Variants in MATN2 observed in about 807,000 individuals in gnomAD.
MATN2 encodes matrilin 2.
In MATN2, 69 loss-of-function variants were observed where a neutral mutation model predicts 103.2. The ratio of observed to expected loss-of-function variants is 0.67; its 90% confidence interval spans 0.55 to 0.82. The LOEUF is 0.82. MATN2 is among the 40% of genes least tolerant of loss of function. The probability of loss-of-function intolerance (pLI) is 0.00; values close to 1 mark genes in which losing one functional copy is unlikely to be tolerated. For missense variants in MATN2, 1,023 were observed against 1,211.5 expected (o/e 0.84, Z 2.31); for synonymous variants, 429 against 450.2 (o/e 0.95, Z 0.60).
chr8:97,986,749 G>A (rs1438724028), intron 6 of MATN2, among the ~76,000 whole-genome samples: 1 of 152,220 alleles, frequency 6.6e-6, no homozygotes, highest in African/African-American at 2.4e-5. Flanking sequence ...ACATGCGTGT[G>A]CAAGTATCTT....
intron 2 of MATN2, among the ~76,000 whole-genome samples, chr8:97,909,405 G>T (rs1209966742): frequency 6.6e-6 from 1 of 152,174 alleles, no homozygotes; most frequent in Non-Finnish European, 1.5e-5. Context: ...AGCATACCAT[G>T]GGGCCAAGGA....
rs1563633689 is a variant in MATN2, at chr8:97,869,084, C to CGAGCG, written c.-229_-225dup. On this transcript the variant is annotated 5_prime_UTR_variant, in exon 1 of 19. Transcript: ENST00000254898. ...TGCCCAGCGCCTCCCAGGCAGCCAG[C>CGAGCG]GAGCGAAGGGAGCGCTCTGGGATGG... The CGAGCG allele has an allele frequency of 6.6e-6, 1 of 152,474 alleles. No individual in the cohort carries two copies. Among genetic ancestry groups the CGAGCG allele is most frequent in the East Asian group, 1.9e-4 (1 of 5,182 alleles). The allele number at this position is 152,474 out of a possible 1,614,324, so 9.4% of individuals were successfully genotyped here.
intron 3 of MATN2, among the ~76,000 whole-genome samples, chr8:97,939,916 G>C (rs560587402): frequency 1.3e-5 from 2 of 152,134 alleles, no homozygotes; most frequent in Non-Finnish European, 2.9e-5. Context: ...TGTGATTAAC[G>C]TTGAGTGAAA....
chr8:97,941,846 T>A lies in MATN2; in HGVS notation c.782T>A (p.Val261Asp), dbSNP rs747396855. 1.2e-6 allele frequency: 2 copies of A among 1,613,578 alleles called. No individual in the cohort carries two copies. The highest frequency in any genetic ancestry group is 1.1e-5 in the South Asian group (1 of 91,002). Residue 261 changes from valine (V) to aspartate (D), a missense_variant, in exon 4 of 19, where the codon GTC becomes GAC. Physicochemically the swap from Val to Asp is radical, Grantham distance 152 (BLOSUM62 -3). Transcript: ENST00000254898. ...HFCINIPGSYVCRCKQGYILN... is the reference protein window; with the variant it reads ...HFCINIPGSYDCRCKQGYILN... ...TGCATCAACATCCCTGGCTCATACG[T>A]CTGCAGGTGCAAACAAGGCTACATT...
At chr8:97,981,045 G>T (rs116399787) in intron 6 of MATN2, among the ~76,000 whole-genome samples, 2,634 of 151,734 alleles carry the variant, frequency 0.017, 79 homozygotes, top group African/African-American at 0.061. Flanking sequence ...AGCCAGGTAT[G>T]GTGACAAGTG....
chr8:97,936,055 A>C (rs987347913), intron 3 of MATN2, among the ~76,000 whole-genome samples: 1 of 152,176 alleles, frequency 6.6e-6, no homozygotes, highest in Admixed American at 6.5e-5. Flanking sequence ...AGCCACAGCA[A>C]GGGGAATCCT....
Position 98,007,518 on chromosome 8 carries a change from A to G in MATN2, c.1490A>G (p.Tyr497Cys), listed in dbSNP as rs757343739. Residue 497 changes from tyrosine (Y) to cysteine (C), a missense_variant, in exon 10 of 19, where the codon TAC becomes TGC. Transcript: ENST00000254898. The surrounding 1 kb of genome is among the most constrained non-coding windows in gnomAD (Gnocchi z 4.2). ...CTGCTGAGTGACCATGGTTGTGAATACTCCTGTGTCAACATGGACAGATCC... is the reference window on the plus strand; with the variant it reads ...CTGCTGAGTGACCATGGTTGTGAATGCTCCTGTGTCAACATGGACAGATCC... ...YCLLSDHGCE[Y>C]SCVNMDRSFA... 6.2e-7 allele frequency: 1 copy of G among 1,613,070 alleles called. No homozygotes were observed. The highest frequency in any genetic ancestry group is 1.1e-5 in the South Asian group (1 of 91,054).
intron 5 of MATN2, among the ~76,000 whole-genome samples, chr8:97,977,425 T>C (rs1232205163): frequency 6.6e-6 from 1 of 151,898 alleles, no homozygotes; most frequent in Non-Finnish European, 1.5e-5. Context: ...AAGACCCTAT[T>C]TCCAAATAAG....
Position 97,994,482 on chromosome 8 carries a change from A to G in MATN2, c.1084A>G (p.Ile362Val). Residue 362 changes from isoleucine (I) to valine (V), a missense_variant and splice_region_variant, in exon 7 of 19, where the codon ATA (isoleucine) becomes GTA (valine). By Grantham distance (29) the Ile-to-Val change is conservative. Transcript: ENST00000254898. ...TTGTGATTTTTCCTTCTTGCCAGAG[A>G]TAGACTACTGTGCCTCATCTAATCA... ...LNPDKKTCTK[I>V]DYCASSNHGC... The G allele has an allele frequency of 6.2e-7, 1 of 1,605,294 alleles. No homozygotes were observed. Among genetic ancestry groups the G allele is most frequent in the Admixed American group, 1.7e-5 (1 of 57,696 alleles).
At chr8:97,993,000 G>A (rs1812452647) in intron 6 of MATN2, among the ~76,000 whole-genome samples, 1 of 151,670 alleles carries the variant, frequency 6.6e-6, no homozygotes, top group Non-Finnish European at 1.5e-5. Context: ...AAGTAATGTG[G>A]GATCTTACTA....
intron 10 of MATN2, among the ~76,000 whole-genome samples, chr8:98,013,340 G>C (rs532017566): frequency 6.6e-6 from 1 of 152,322 alleles, no homozygotes; most frequent in Non-Finnish European, 1.5e-5. Context: ...GTGGGTGTGT[G>C]GGAGAGAGTG....
rs201490281 is a variant in MATN2, at chr8:98,012,323, G to A, written c.1574-4217G>A. Among the ~76,000 whole-genome samples the A allele has an allele frequency of 4.5e-4, 69 of 152,344 alleles. No homozygotes were observed. In the East Asian group the frequency reaches 5.6e-3, roughly 12 times the overall value. ...AGAGACAGCGTCCATTCCTTATGGT[G>A]AGAGTGGTGATGTGAGAAGGATGGA... is the stretch of plus-strand genomic sequence containing the variant. On this transcript the variant is annotated intron_variant, in intron 10 of 18. Transcript: ENST00000254898.
At chr8:98,016,758 C>A (rs1240416200) in intron 11 of MATN2, 96 bp downstream of exon 11, 1 of 1,410,746 alleles carries the variant, frequency 7.1e-7, no homozygotes, top group South Asian at 1.2e-5. Flanking sequence ...TCTCAGAAGT[C>A]AATGCCACAC....
At position 98,016,525 on chromosome 8, in the gene MATN2, C is replaced by A. The variant is rs1173139590; in HGVS notation, c.1574-15C>A. The A allele has an allele frequency of 3.8e-6, 6 of 1,599,662 alleles. No individual in the cohort carries two copies. The highest frequency in any genetic ancestry group is 1.3e-5 in the African/African-American group (1 of 74,700). On this transcript the variant is annotated splice_polypyrimidine_tract_variant and intron_variant, in intron 10 of 18. Transcript: ENST00000254898. ...TTTTCTTCTTCTGTTTCTCTAATTC[C>A]CATTTGATTCTCAGAATTGGACTCT...
intron 1 of MATN2, among the ~76,000 whole-genome samples, chr8:97,885,120 G>GT (rs1467898211): frequency 6.6e-6 from 1 of 152,156 alleles, no homozygotes; most frequent in Non-Finnish European, 1.5e-5. Context: ...AATGATGTTT[G>GT]TTTTTTGGAA....
chr8:97,944,677 G>A (rs1253027354), intron 4 of MATN2, among the ~76,000 whole-genome samples: 1 of 152,182 alleles, frequency 6.6e-6, no homozygotes, highest in African/African-American at 2.4e-5. Context: ...TTATGTCCTT[G>A]TTAGGCCCTG....
In MATN2 at chr8:97,931,756, G is replaced by T. The variant is rs764568; in HGVS notation, c.712+234G>T. On this transcript the variant is annotated intron_variant, in intron 3 of 18. Transcript: ENST00000254898. The surrounding 1 kb of genome is among the most constrained non-coding windows in gnomAD (Gnocchi z 4.1). ...CATGCTCTGTCACCCAGGCTGTAGT[G>T]CAGTGGCATGATCACAGCTCACTGT... 0.087 allele frequency among the ~76,000 whole-genome samples: 13,201 copies of T among 152,212 alleles called. 859 individuals are homozygous for T. Among genetic ancestry groups the T allele is most frequent in the Admixed American group, 0.2 (3,064 of 15,272 alleles).
intron 6 of MATN2, among the ~76,000 whole-genome samples, chr8:97,980,066 A>G (rs1294692748): frequency 1.3e-5 from 2 of 152,176 alleles, no homozygotes; most frequent in Non-Finnish European, 2.9e-5. Flanking sequence ...TGAGTACGGC[A>G]AGGTCCTTAA....
At chr8:97,885,961 T>C (rs907551439) in intron 1 of MATN2, among the ~76,000 whole-genome samples, 2 of 152,176 alleles carry the variant, frequency 1.3e-5, no homozygotes, top group Non-Finnish European at 2.9e-5. Flanking sequence ...GCTTCATCTG[T>C]ATTTACAGCC....
Sources: allele counts gnomAD v4.1 joint callset (sites outside exome capture counted in the v4.1 genomes callset), GRCh38; gene constraint gnomAD v4.1.1; non-coding constraint Gnocchi (gnomAD v3.1); transcripts MANE v1.5; gene names NCBI Gene and HGNC (gene_info 2026-07-23, HGNC 2026-07-21).